CHL1: variants seen among roughly 807,000 people sequenced by gnomAD.
The protein encoded by CHL1 is neural cell adhesion molecule L1-like protein.
In CHL1, 96 loss-of-function variants were observed where a neutral mutation model predicts 141.9. That is an observed-to-expected ratio of 0.68 (90% CI 0.57 to 0.80). The LOEUF is 0.80. Among genes scored for constraint, CHL1 ranks in the 30% least tolerant of loss-of-function variants. CHL1 has a pLI of 0.00. For missense variants in CHL1, 1,820 were observed against 1,457.2 expected (o/e 1.25, Z -4.05); for synonymous variants, 613 against 502.2 (o/e 1.22, Z -2.95).
rs957937965 is a variant in CHL1, at chr3:383,904, C to A, written c.2247+18C>A. ...AGTGGGAGGTGTGTATTTCTTAATA[C>A]GTTATGTATTTCTTTGTGCTTTTCT... On this transcript the variant is annotated intron_variant, in intron 19 of 27. Coordinates refer to ENST00000256509, the MANE Select transcript of CHL1 (RefSeq NM_006614.4). 1.3e-6 allele frequency: 2 copies of A among 1,555,856 alleles called. No individual in the cohort carries two copies. The highest frequency in any genetic ancestry group is 1.1e-5 in the South Asian group (1 of 88,208).
intron 1 of CHL1, among the ~76,000 whole-genome samples, chr3:203,409 C>G (rs891166283): frequency 6.6e-6 from 1 of 152,238 alleles, no homozygotes; most frequent in South Asian, 2.1e-4. Flanking sequence ...TGGTTTGTCC[C>G]CTTGATGTTC....
rs550813728 is a variant in CHL1 at position 257,976 on chromosome 3, G to A, written c.-95+13284G>A. The stretch of plus-strand genomic sequence containing the variant: ...GGAATCTGGAGATTGCAGCTTGAAT[G>A]GCTCCGGAAGAGGCAGCATGTTCGG... On this transcript the variant is annotated intron_variant, in intron 2 of 27. Coordinates refer to ENST00000256509, the MANE Select transcript of CHL1 (RefSeq NM_006614.4). Among the ~76,000 whole-genome samples, 7 of 152,248 alleles carry A rather than the reference G, an allele frequency of 4.6e-5. No individual in the cohort carries two copies. In the East Asian group the frequency reaches 1.2e-3, roughly 25 times the overall value.
chr3:315,027 T>A (rs1343474091), intron 2 of CHL1, among the ~76,000 whole-genome samples: 1 of 152,142 alleles, frequency 6.6e-6, no homozygotes, highest in Non-Finnish European at 1.5e-5. Flanking sequence ...ATTTTGTAAG[T>A]TGTTATGATT....
At chr3:401,925 G>A (rs1453593860) in intron 27 of CHL1, among the ~76,000 whole-genome samples, 2 of 152,164 alleles carry the variant, frequency 1.3e-5, no homozygotes, top group East Asian at 3.9e-4. Context: ...ATGTCAGGTA[G>A]GACACTTTTC....
At position 398,096 on chromosome 3, in the gene CHL1, T is replaced by C. The variant is rs568326495; in HGVS notation, c.3095-131T>C. 47 of 496,570 alleles carry C rather than the reference T, an allele frequency of 9.5e-5. No homozygotes were observed. The South Asian group carries it at 2.8e-3, about 30-fold the overall frequency. The allele number at this position is 496,570 out of a possible 1,614,324, so 30.8% of individuals were successfully genotyped here. ...TGAAATGTTGATTTTCTTGATCTCC[T>C]GGTAATTCAAAAACTATCTGAGAAA... On this transcript the variant is annotated intron_variant, in intron 24 of 27. Transcript: ENST00000256509.
At chr3:211,561 T>G (rs1011727515) in intron 1 of CHL1, among the ~76,000 whole-genome samples, 4 of 152,208 alleles carry the variant, frequency 2.6e-5, no homozygotes, top group Admixed American at 6.5e-5. Context: ...CTTCTGTGGC[T>G]TAGCCATTTT....
intron 13 of CHL1, among the ~76,000 whole-genome samples, chr3:362,989 A>T (rs915177608): frequency 3.9e-5 from 6 of 152,234 alleles, no homozygotes; most frequent in African/African-American, 1.4e-4. Context: ...CAAATACAGC[A>T]GAAGCACTGA....
intron 2 of CHL1, among the ~76,000 whole-genome samples, chr3:283,704 G>T (rs1198113619): frequency 6.6e-6 from 1 of 152,086 alleles, no homozygotes; most frequent in Non-Finnish European, 1.5e-5. Context: ...ACTACCCCAT[G>T]GGTACATACA....
intron 1 of CHL1, among the ~76,000 whole-genome samples, chr3:230,430 T>G (rs1168267919): frequency 2.0e-5 from 3 of 152,230 alleles, no homozygotes; most frequent in African/African-American, 7.2e-5. Context: ...TATGATTTTC[T>G]TTCTAGTGAA....
rs887074022 is a variant in CHL1 at position 406,038 on chromosome 3, T to C, written c.*327T>C. On this transcript the variant is annotated 3_prime_UTR_variant, in exon 28 of 28. Coordinates refer to ENST00000256509, the MANE Select transcript of CHL1 (RefSeq NM_006614.4). ...TTGCCTGATTTTACTATTCGGTGTGTTTGCATAGATGTTGCTACTTGGTGG... is the reference window on the plus strand; with the variant it reads ...TTGCCTGATTTTACTATTCGGTGTGCTTGCATAGATGTTGCTACTTGGTGG... 10 of 250,938 alleles carry C rather than the reference T, an allele frequency of 4.0e-5. No individual in the cohort carries two copies. Among genetic ancestry groups the C allele is most frequent in the Non-Finnish European group, 7.0e-5 (9 of 128,774 alleles). The allele number at this position is 250,938 out of a possible 1,614,324, so 15.5% of individuals were successfully genotyped here.
In CHL1 at chr3:389,438, G is replaced by C. The variant is rs1337567389; in HGVS notation, c.2434G>C (p.Asp812His). Residue 812 changes from aspartate (D) to histidine (H), a missense_variant, in exon 20 of 28, where the codon GAC becomes CAC. Asp to His is a moderately conservative substitution (Grantham distance 81, BLOSUM62 -1). Coordinates refer to ENST00000256509, the MANE Select transcript of CHL1 (RefSeq NM_006614.4). The stretch of plus-strand genomic sequence containing the variant: ...TATCAATCAACTAGGATCTGGGCCT[G>C]ACCCTCAGTCAGTGACTCTCTATTC... ...QAINQLGSGP[D>H]PQSVTLYSGE... 1 of 1,614,076 alleles carries C rather than the reference G, an allele frequency of 6.2e-7. No homozygotes were observed. The highest frequency in any genetic ancestry group is 8.5e-7 in the Non-Finnish European group (1 of 1,180,046).
chr3:244,008 G>A (rs915256202), intron 1 of CHL1, among the ~76,000 whole-genome samples: 13 of 152,296 alleles, frequency 8.5e-5, no homozygotes, highest in African/African-American at 3.1e-4. Flanking sequence ...ACCTGGGAAT[G>A]AACAGTAAAA....
chr3:354,885 T>TA (rs1451162468), intron 11 of CHL1, 114 bp downstream of exon 11: 3 of 1,285,302 alleles, frequency 2.3e-6, no homozygotes, highest in Non-Finnish European at 3.2e-6. Flanking sequence ...GCAGGACAGA[T>TA]ACAACCAGCA....
intron 1 of CHL1, among the ~76,000 whole-genome samples, chr3:243,570 C>T (rs1692874427): frequency 6.6e-6 from 1 of 152,140 alleles, no homozygotes; most frequent in African/African-American, 2.4e-5. Context: ...TTATACTTGC[C>T]AGGGTGGAAT....
At chr3:385,774 G>A (rs1364746166) in intron 19 of CHL1, 1 of 141,254 alleles carries the variant, frequency 7.1e-6, no homozygotes, top group Non-Finnish European at 1.5e-5. Flanking sequence ...GTTACAGTGA[G>A]TTGAGATCAT....
intron 1 of CHL1, among the ~76,000 whole-genome samples, chr3:238,198 G>C (rs1186538501): frequency 6.6e-6 from 1 of 152,082 alleles, no homozygotes; most frequent in Non-Finnish European, 1.5e-5. Flanking sequence ...CACATTTTGA[G>C]GGTCTGGGCC....
rs142020647 is a variant in CHL1 at position 343,583 on chromosome 3, A to G, written c.727+552A>G. Among the ~76,000 whole-genome samples, 1,265 of 152,330 alleles carry G rather than the reference A, an allele frequency of 8.3e-3. 16 individuals are homozygous for G. The highest frequency in any genetic ancestry group is 0.029 in the African/African-American group (1,206 of 41,572). On this transcript the variant is annotated intron_variant, in intron 8 of 27. Transcript: ENST00000256509. ...GTCTACCAGAACTTGTGTTCTATGG[A>G]AAATGCCTGAGTAAATCTGAGTTGT...
intron 1 of CHL1, among the ~76,000 whole-genome samples, chr3:212,843 A>G (rs17006459): frequency 0.019 from 2,881 of 152,268 alleles, 100 homozygotes; most frequent in African/African-American, 0.065. Context: ...ACAGTCTCCA[A>G]TTCTCTGAGA....
At chr3:243,211 A>C (rs763796325) in intron 1 of CHL1, among the ~76,000 whole-genome samples, 8 of 152,182 alleles carry the variant, frequency 5.3e-5, no homozygotes, top group Non-Finnish European at 1.2e-4. Context: ...CAAACATTGC[A>C]TTATTTCTTT....
Sources: allele counts gnomAD v4.1 joint callset (sites outside exome capture counted in the v4.1 genomes callset), GRCh38; gene constraint gnomAD v4.1.1; transcripts MANE v1.5; gene names NCBI Gene and HGNC (gene_info 2026-07-23, HGNC 2026-07-21).